MXI1: variants seen among roughly 807,000 people sequenced by gnomAD.
MXI1 encodes the protein max-interacting protein 1.
A neutral mutation model predicts 36.9 loss-of-function variants in MXI1; 18 were observed. The ratio of observed to expected loss-of-function variants is 0.49; its 90% CI spans 0.34 to 0.72. The LOEUF (loss-of-function observed/expected upper bound fraction) is 0.72, where lower values mean the gene tolerates loss of function less well. Ranked by LOEUF, MXI1 falls within the 30% of genes least tolerant of loss-of-function variation. The pLI, the probability that MXI1 is intolerant of heterozygous loss-of-function variation, is 0.01. For missense variants in MXI1, 304 were observed against 379.1 expected, an observed-to-expected ratio of 0.80 and a Z score of 1.64; for synonymous variants, 160 against 146.7, an observed-to-expected ratio of 1.09 and a Z score of -0.65.
chr10:110,227,567 G>A (rs905151053), intron 1 of MXI1: 1 of 654,592 alleles, frequency 1.5e-6, no homozygotes, highest in Non-Finnish European at 1.9e-6. Flanking sequence ...GAGGAAGGAG[G>A]AACACGGATG....
rs533036360 is a variant in MXI1, at chr10:110,245,589, T to C, written c.437+732T>C. 2.6e-5 allele frequency among the ~76,000 whole-genome samples: 4 copies of C among 152,262 alleles called. No individual in the cohort carries two copies. The South Asian group carries it at 8.3e-4, about 32-fold the overall frequency. ...AAGGTTCAGTGTGACTATAAAAGAT[T>C]GTAACATGAGTAAAGCATGCCAGGT... On this transcript the variant is annotated intron_variant, in intron 3 of 5. Transcript: ENST00000332674.
chr10:110,252,768 G>A (rs1027330728), intron 3 of MXI1, among the ~76,000 whole-genome samples: 6 of 151,982 alleles, frequency 3.9e-5, no homozygotes, highest in Admixed American at 3.3e-4. Flanking sequence ...TAATCAACAT[G>A]TTTTCACATT....
intron 3 of MXI1, among the ~76,000 whole-genome samples, chr10:110,273,152 A>C (rs537214881): frequency 3.2e-4 from 48 of 149,290 alleles, no homozygotes; most frequent in African/African-American, 1.2e-3. Flanking sequence ...GTTTCAAGCA[A>C]CTCTCCTGCT....
chr10:110,213,598 G>A (rs1172921025), intron 1 of MXI1, among the ~76,000 whole-genome samples: 1 of 152,168 alleles, frequency 6.6e-6, no homozygotes, highest in East Asian at 1.9e-4. Flanking sequence ...CAGAATCACG[G>A]AGCTCCCAAG....
At chr10:110,226,465 TGGG>T (rs1564708060) in intron 1 of MXI1, 1 of 44,584 alleles carries the variant, frequency 2.2e-5, no homozygotes, top group African/African-American at 3.7e-4. Flanking sequence ...GAGGGGCGTG[TGGG>T]GAGGGGAGCG....
chr10:110,246,837 T>C (rs944171854), intron 3 of MXI1, among the ~76,000 whole-genome samples: 5 of 152,160 alleles, frequency 3.3e-5, no homozygotes, highest in African/African-American at 9.7e-5. Context: ...ATTAAAGATC[T>C]GGATGGATAA....
Position 110,207,789 on chromosome 10 carries a change from C to A in MXI1, c.-20C>A, listed in dbSNP as rs761017024. 2.9e-5 allele frequency: 33 copies of A among 1,128,594 alleles called. No individual in the cohort carries two copies. Among genetic ancestry groups the A allele is most frequent in the Non-Finnish European group, 3.4e-5 (31 of 919,762 alleles). 69.9% of individuals were successfully genotyped at this position (1,128,594 alleles called of 1,614,324 possible). On this transcript the variant is annotated 5_prime_UTR_variant, in exon 1 of 6. Transcript: ENST00000332674. ...GCGCAGCCCCGTTAGAGGACGAGCT[C>A]GGCGGACCCCCGCTCCTCCATGGGC... is the stretch of plus-strand genomic sequence containing the variant.
intron 1 of MXI1, among the ~76,000 whole-genome samples, chr10:110,225,164 T>G (rs554206961): frequency 6.6e-6 from 1 of 152,162 alleles, no homozygotes; most frequent in Non-Finnish European, 1.5e-5. Flanking sequence ...GCAAACTAAG[T>G]CTAGTACAGT....
At position 110,279,259 on chromosome 10, in the gene MXI1, C is replaced by T. The variant is rs774565900; in HGVS notation, c.517C>T (p.Leu173Phe). 7.4e-6 allele frequency: 12 copies of T among 1,614,064 alleles called. No homozygotes were observed. Residue 173 changes from leucine (L) to phenylalanine (F), a missense_variant, in exon 4 of 6, where the codon CTT becomes TTT. Leu to Phe is a conservative substitution (Grantham distance 22, BLOSUM62 0). Coordinates refer to ENST00000332674, the MANE Select transcript of MXI1 (RefSeq NM_130439.3). Reference protein sequence around the residue: ...LGPDCTRHTTLGLLNKAKAHI... With the variant: ...LGPDCTRHTTFGLLNKAKAHI... Reference sequence around the variant, plus strand: ...ACCAGACTGCACCCGGCACACAACACTTGGTTTGCTCAACAAAGCCAAAGC... The same window carrying T: ...ACCAGACTGCACCCGGCACACAACATTTGGTTTGCTCAACAAAGCCAAAGC...
intron 3 of MXI1, among the ~76,000 whole-genome samples, chr10:110,271,559 GC>G (rs955447340): frequency 2.4e-4 from 37 of 152,266 alleles, no homozygotes; most frequent in African/African-American, 8.9e-4. Flanking sequence ...TGAGTTAGAT[GC>G]CCACCAGGTG....
intron 1 of MXI1, among the ~76,000 whole-genome samples, chr10:110,218,933 T>G (rs1476569143): frequency 6.6e-6 from 1 of 152,118 alleles, no homozygotes; most frequent in Non-Finnish European, 1.5e-5. Flanking sequence ...GCCAGCTGGT[T>G]CCAGTCAGAC....
rs1345213217 is a variant in MXI1, at chr10:110,211,891, T to G, written c.274+3809T>G. On this transcript the variant is annotated intron_variant, in intron 1 of 5. Transcript: ENST00000332674. ...ATCCTATTACCACAAATTCAGAAATTATATGTAAATAATCTCTGACATCAT... is the reference window on the plus strand; with the variant it reads ...ATCCTATTACCACAAATTCAGAAATGATATGTAAATAATCTCTGACATCAT... 5.3e-5 allele frequency among the ~76,000 whole-genome samples: 8 copies of G among 152,350 alleles called. No homozygotes were observed. The East Asian group carries it at 1.3e-3, about 26-fold the overall frequency.
intron 3 of MXI1, among the ~76,000 whole-genome samples, chr10:110,273,556 T>G (rs1183030101): frequency 1.3e-5 from 2 of 151,926 alleles, no homozygotes; most frequent in African/African-American, 2.4e-5. Context: ...ACATTAAGTT[T>G]TAGAGACACT....
chr10:110,253,492 A>T lies in MXI1; in HGVS notation c.437+8635A>T, dbSNP rs560492711. Reference sequence around the variant, plus strand: ...TTGTATGCTTTTAAGATATTTGTTTAAAAAGGGCATAGTTTTTTTACACGG... The same window carrying T: ...TTGTATGCTTTTAAGATATTTGTTTTAAAAGGGCATAGTTTTTTTACACGG... On this transcript the variant is annotated intron_variant, in intron 3 of 5. Transcript: ENST00000332674. Among the ~76,000 whole-genome samples the T allele has an allele frequency of 8.5e-5, 13 of 152,206 alleles. No individual in the cohort carries two copies. In the South Asian group the frequency reaches 2.7e-3, roughly 31 times the overall value.
intron 2 of MXI1, among the ~76,000 whole-genome samples, chr10:110,233,516 T>C (rs1855346781): frequency 6.6e-6 from 1 of 152,124 alleles, no homozygotes; most frequent in African/African-American, 2.4e-5. Context: ...TTTTCTACTA[T>C]TCTGTGTTTT....
chr10:110,228,441 G>A lies in MXI1; in HGVS notation c.407+120G>A, dbSNP rs1414153237. 3.2e-6 allele frequency: 4 copies of A among 1,244,814 alleles called. No homozygotes were observed. In the East Asian group the frequency reaches 1.0e-4, roughly 32 times the overall value. 77.1% of individuals were successfully genotyped at this position (1,244,814 alleles called of 1,614,324 possible). A position where few individuals can be genotyped will look rare whatever the true frequency, so the allele number is the denominator to read the frequency against. ...CCTTTACCACTACCCTGGGGATTTG[G>A]CCCTTTTAAAATAATGAAGTCTAGA... On this transcript the variant is annotated intron_variant, in intron 2 of 5. Transcript: ENST00000332674.
At chr10:110,284,248 A>C (rs762042537) in intron 5 of MXI1, among the ~76,000 whole-genome samples, 2 of 152,054 alleles carry the variant, frequency 1.3e-5, no homozygotes, top group Non-Finnish European at 2.9e-5. Context: ...TATTTGATGC[A>C]AGAAAATTAA....
intron 5 of MXI1, among the ~76,000 whole-genome samples, chr10:110,281,324 T>C (rs1384806911): frequency 6.6e-6 from 1 of 152,190 alleles, no homozygotes; most frequent in Non-Finnish European, 1.5e-5. Context: ...AATGTAATTA[T>C]AATGCTATTA....
intron 3 of MXI1, among the ~76,000 whole-genome samples, chr10:110,276,051 G>T (rs1016438124): frequency 2.6e-5 from 4 of 151,996 alleles, no homozygotes; most frequent in African/African-American, 7.3e-5. Flanking sequence ...CTGATTTGTC[G>T]GTGCATTGCA....
Sources: gnomAD v4.1 joint callset for allele counts (sites outside exome capture counted in the v4.1 genomes callset) on GRCh38, gnomAD v4.1.1 for gene constraint, MANE v1.5 for transcripts, NCBI Gene and HGNC (gene_info 2026-07-23, HGNC 2026-07-21) for gene names.